RANBP17: variants seen among roughly 807,000 people sequenced by gnomAD.
RANBP17 encodes the protein ran-binding protein 17.
RANBP17 carries 158 observed loss-of-function variants against 141.2 expected under a neutral mutation model. The observed-to-expected ratio is 1.12, with a 90% confidence interval of 0.98 to 1.28. RANBP17 has a LOEUF of 1.28. RANBP17 is among the 50% of genes most tolerant of loss of function. RANBP17 has a pLI of 0.00. For synonymous variants in RANBP17, 430 were observed against 450.0 expected (o/e 0.96, Z 0.56); for missense variants, 1,438 against 1,290.7 (o/e 1.11, Z -1.75).
chr5:171,177,275 A>G (rs1298099777), intron 16 of RANBP17, among the ~76,000 whole-genome samples: 2 of 152,094 alleles, frequency 1.3e-5, no homozygotes, highest in African/African-American at 4.8e-5. Flanking sequence ...TAGCCCCCTT[A>G]TTTAGACCTT....
chr5:171,167,967 CTT>C (rs1759818811), intron 14 of RANBP17, among the ~76,000 whole-genome samples: 1 of 152,168 alleles, frequency 6.6e-6, no homozygotes, highest in African/African-American at 2.4e-5. Flanking sequence ...GTTTCTCTCT[CTT>C]TGTGTAAAAA....
intron 14 of RANBP17, among the ~76,000 whole-genome samples, chr5:171,057,138 G>T (rs1291665155): frequency 2.0e-5 from 3 of 151,994 alleles, no homozygotes; most frequent in Admixed American, 6.6e-5. Context: ...GCAGATCCAT[G>T]CTCTAAGAAA....
chr5:170,980,719 T>A (rs1228886835), intron 14 of RANBP17, among the ~76,000 whole-genome samples: 1 of 152,210 alleles, frequency 6.6e-6, no homozygotes, highest in Non-Finnish European at 1.5e-5. Context: ...AGGCAGAAGT[T>A]TGCTACAGGA....
rs1775539315 is a variant in RANBP17, at chr5:170,955,429, TCTAA to T, written c.1574+1730_1574+1733del. Among the ~76,000 whole-genome samples, 4 of 146,236 alleles carry T rather than the reference TCTAA, an allele frequency of 2.7e-5. No homozygotes were observed. In the South Asian group the frequency reaches 8.6e-4, roughly 31 times the overall value. Reference sequence around the variant, plus strand: ...CTGCTTTTCTTTTGTGATGATCTCTTCTAACTTATTTGAAAGAGCTCAGTATATA... The same window carrying T: ...CTGCTTTTCTTTTGTGATGATCTCTTCTTATTTGAAAGAGCTCAGTATATA... On this transcript the variant is annotated intron_variant, in intron 13 of 27. Transcript: ENST00000523189.
intron 11 of RANBP17, among the ~76,000 whole-genome samples, chr5:170,923,279 T>C (rs1167338612): frequency 6.6e-6 from 1 of 152,198 alleles, no homozygotes; most frequent in Admixed American, 6.5e-5. Context: ...CTCCATTGAA[T>C]TGTTTTTACA....
intron 4 of RANBP17, among the ~76,000 whole-genome samples, chr5:170,893,436 A>T (rs9313528): frequency 0.63 from 95,723 of 151,612 alleles, 31,163 homozygotes; most frequent in South Asian, 0.9. Flanking sequence ...ATATGTATAT[A>T]TTTTTTCATA....
At chr5:170,965,430 T>C (rs1776484099) in intron 13 of RANBP17, among the ~76,000 whole-genome samples, 1 of 152,172 alleles carries the variant, frequency 6.6e-6, no homozygotes, top group Non-Finnish European at 1.5e-5. Context: ...ATTTTGGCTT[T>C]TGTTGCCATT....
At chr5:171,132,543 G>A (rs1756992570) in intron 14 of RANBP17, among the ~76,000 whole-genome samples, 1 of 151,944 alleles carries the variant, frequency 6.6e-6, no homozygotes, top group Non-Finnish European at 1.5e-5. Flanking sequence ...GGGACATAGG[G>A]GGACCCCATC....
chr5:171,117,782 T>G (rs900052026), intron 14 of RANBP17, among the ~76,000 whole-genome samples: 1 of 152,074 alleles, frequency 6.6e-6, no homozygotes, highest in Non-Finnish European at 1.5e-5. Flanking sequence ...CGTGAGCCAC[T>G]GCACCTGGCC....
In RANBP17 at chr5:170,954,600, A is replaced by G. The variant is rs148341252; in HGVS notation, c.1574+898A>G. ...CTTTTTAAAATCAAATGCAATATCA[A>G]CATTTTACCTGGACATTAAATTTTC... On this transcript the variant is annotated intron_variant, in intron 13 of 27. Coordinates refer to ENST00000523189, the MANE Select transcript of RANBP17 (RefSeq NM_022897.5). Among the ~76,000 whole-genome samples, 322 of 149,652 alleles carry G rather than the reference A, an allele frequency of 2.2e-3. 2 individuals are homozygous for G. Among genetic ancestry groups the G allele is most frequent in the African/African-American group, 7.1e-3 (288 of 40,400 alleles).
chr5:171,278,705 C>T (rs375567786), intron 25 of RANBP17, among the ~76,000 whole-genome samples: 11 of 152,246 alleles, frequency 7.2e-5, no homozygotes, highest in African/African-American at 2.6e-4. Context: ...CTGAGAAATA[C>T]CCTGCCAGCT....
intron 12 of RANBP17, among the ~76,000 whole-genome samples, chr5:170,943,258 G>A (rs10475963): frequency 0.6 from 91,228 of 151,966 alleles, 29,145 homozygotes; most frequent in South Asian, 0.88. Flanking sequence ...CTCTTGTTAT[G>A]TGTGCTTTAA....
At chr5:171,136,751 C>T (rs1757317250) in intron 14 of RANBP17, among the ~76,000 whole-genome samples, 1 of 152,120 alleles carries the variant, frequency 6.6e-6, no homozygotes, top group Admixed American at 6.6e-5. Flanking sequence ...CTCACTCTGC[C>T]TTTGGTGGCT....
chr5:171,203,376 C>G (rs1022461138), intron 19 of RANBP17, among the ~76,000 whole-genome samples: 6 of 152,086 alleles, frequency 3.9e-5, no homozygotes, highest in African/African-American at 1.4e-4. Flanking sequence ...AGAAAACACT[C>G]TCTTTAGTGT....
At chr5:170,961,173 T>G (rs10475964) in intron 13 of RANBP17, among the ~76,000 whole-genome samples, 91,262 of 152,090 alleles carry the variant, frequency 0.6, 29,145 homozygotes, top group South Asian at 0.88. Context: ...TCCAGCTGCT[T>G]CTTTTATCTT....
At chr5:171,234,429 T>C (rs1405357221) in intron 22 of RANBP17, among the ~76,000 whole-genome samples, 5 of 152,180 alleles carry the variant, frequency 3.3e-5, no homozygotes, top group Non-Finnish European at 5.9e-5. Context: ...AGCACAGGAA[T>C]GACATGACCT....
chr5:170,922,892 C>T (rs1561894152), intron 11 of RANBP17, among the ~76,000 whole-genome samples: 3 of 152,142 alleles, frequency 2.0e-5, no homozygotes, highest in Admixed American at 6.5e-5. Flanking sequence ...AATCACCCAT[C>T]TTCTGCATTG....
chr5:170,899,186 CTT>C (rs1160544129), intron 5 of RANBP17, among the ~76,000 whole-genome samples: 1 of 152,046 alleles, frequency 6.6e-6, no homozygotes, highest in African/African-American at 2.4e-5. Flanking sequence ...TGTATCCTCT[CTT>C]ATTTACTTGA....
At chr5:171,004,568 C>G (rs1779447775) in intron 14 of RANBP17, among the ~76,000 whole-genome samples, 1 of 152,116 alleles carries the variant, frequency 6.6e-6, no homozygotes, top group Non-Finnish European at 1.5e-5. Flanking sequence ...AGGGGACGGA[C>G]TTACTCTTCT....
Sources: allele counts gnomAD v4.1 joint callset (sites outside exome capture counted in the v4.1 genomes callset), GRCh38; gene constraint gnomAD v4.1.1; transcripts MANE v1.5; gene names NCBI Gene and HGNC (gene_info 2026-07-23, HGNC 2026-07-21).